COL10A1: variants seen among roughly 807,000 people sequenced by gnomAD.
COL10A1 encodes collagen type X alpha 1 chain.
Under a neutral mutation model 18.2 loss-of-function variants are expected in COL10A1, and 10 were observed. The ratio of observed to expected loss-of-function variants is 0.55; its 90% confidence interval spans 0.34 to 0.93. The LOEUF is 0.93. Ranked by LOEUF, COL10A1 falls within the 40% of genes least tolerant of loss-of-function variation. The probability of loss-of-function intolerance (pLI) is 0.02; values close to 1 mark genes in which losing one functional copy is unlikely to be tolerated. For missense variants in COL10A1, 897 were observed against 853.5 expected, an observed-to-expected ratio of 1.05 and a Z score of -0.64; for synonymous variants, 330 against 316.6, an observed-to-expected ratio of 1.04 and a Z score of -0.45.
the COL10A1 span, among the ~76,000 whole-genome samples, chr6:116,167,140 G>T: frequency 2.0e-5 from 3 of 150,960 alleles, no homozygotes; most frequent in Admixed American, 2.0e-4. Flanking sequence ...TCAACCAAAT[G>T]CATCAGATAT....
intron 1 of COL10A1, among the ~76,000 whole-genome samples, chr6:116,133,369 A>G (rs952695086): frequency 2.0e-5 from 3 of 152,232 alleles, no homozygotes; most frequent in African/African-American, 7.2e-5. Context: ...TGTTAATTAG[A>G]GAAGTCACAG....
chr6:116,178,758 G>A, the COL10A1 span, among the ~76,000 whole-genome samples: 1 of 152,176 alleles, frequency 6.6e-6, no homozygotes. Flanking sequence ...CCCAAAATGT[G>A]AGCATCTCAG....
chr6:116,177,496 T>G, the COL10A1 span, among the ~76,000 whole-genome samples: 1 of 152,282 alleles, frequency 6.6e-6, no homozygotes, highest in South Asian at 2.1e-4. Flanking sequence ...GATATAAATT[T>G]TCTACTTAAA....
chr6:116,182,222 A>AGTGT, the COL10A1 span, among the ~76,000 whole-genome samples: 3,203 of 124,630 alleles, frequency 0.026, 51 homozygotes, highest in Middle Eastern at 0.051. Flanking sequence ...TTCCATGGAG[A>AGTGT]GTGTGTGTGT....
At chr6:116,172,839 T>G in the COL10A1 span, among the ~76,000 whole-genome samples, 3 of 152,216 alleles carry the variant, frequency 2.0e-5, no homozygotes, top group African/African-American at 7.2e-5. Context: ...GAAAATCTAC[T>G]CTCCTTGTTT....
the COL10A1 span, among the ~76,000 whole-genome samples, chr6:116,196,633 C>A: frequency 6.6e-6 from 1 of 151,998 alleles, no homozygotes; most frequent in Non-Finnish European, 1.5e-5. Flanking sequence ...GGAGTAGCTT[C>A]ATTACACTAA....
At chr6:116,129,260 AAC>A (rs1779405504), upstream of COL10A1, among the ~76,000 whole-genome samples, 1 of 152,198 alleles carries the variant, frequency 6.6e-6, no homozygotes, top group Non-Finnish European at 1.5e-5. Context: ...ATTATATAGA[AAC>A]ACATACATAC....
intron 1 of COL10A1, among the ~76,000 whole-genome samples, chr6:116,139,075 AG>A: frequency 6.6e-6 from 1 of 152,308 alleles, no homozygotes; most frequent in South Asian, 2.1e-4. Context: ...CTACAAAAAA[AG>A]ATGTATTCTT....
chr6:116,201,581 A>G, the COL10A1 span, among the ~76,000 whole-genome samples: 1 of 152,112 alleles, frequency 6.6e-6, no homozygotes, highest in Admixed American at 6.6e-5. Flanking sequence ...TGATGATATT[A>G]AAAGTCTTGG....
At chr6:116,134,324 AC>A (rs1451949812) in intron 1 of COL10A1, among the ~76,000 whole-genome samples, 1 of 152,198 alleles carries the variant, frequency 6.6e-6, no homozygotes, top group Non-Finnish European at 1.5e-5. Flanking sequence ...AACGCCAGAC[AC>A]CAAAGCCTCT....
intron 1 of COL10A1, among the ~76,000 whole-genome samples, chr6:116,152,976 C>T (rs1780086956): frequency 6.6e-6 from 1 of 151,994 alleles, no homozygotes; most frequent in African/African-American, 2.4e-5. Context: ...TAATAAAATA[C>T]AGAGGAATGA....
chr6:116,165,572 C>A, the COL10A1 span, among the ~76,000 whole-genome samples: 4 of 152,104 alleles, frequency 2.6e-5, no homozygotes, highest in Admixed American at 2.6e-4. Flanking sequence ...TGGGTTAATT[C>A]GAAAAATGCC....
At chr6:116,134,351 C>G (rs1779538612) in intron 1 of COL10A1, among the ~76,000 whole-genome samples, 1 of 152,158 alleles carries the variant, frequency 6.6e-6, no homozygotes, top group Admixed American at 6.5e-5. Flanking sequence ...CCTCTGACTT[C>G]TTTAGTGTCT....
the COL10A1 span, among the ~76,000 whole-genome samples, chr6:116,168,676 AT>A: frequency 6.6e-6 from 1 of 151,490 alleles, no homozygotes; most frequent in African/African-American, 2.4e-5. Flanking sequence ...GTATCTGATA[AT>A]TTTTTATTGA....
the COL10A1 span, among the ~76,000 whole-genome samples, chr6:116,166,389 T>C: frequency 1.3e-5 from 2 of 152,222 alleles, no homozygotes; most frequent in African/African-American, 4.8e-5. Flanking sequence ...TATTCAGTTC[T>C]AATTAAAAAC....
At chr6:116,126,155 G>A (rs1179229492), upstream of COL10A1, 1 of 152,224 alleles carries the variant, frequency 6.6e-6, no homozygotes, top group Non-Finnish European at 1.5e-5. Context: ...CTGTTCAGTG[G>A]TATTTATACT....
chr6:116,215,187 A>G, the COL10A1 span, among the ~76,000 whole-genome samples: 3 of 152,170 alleles, frequency 2.0e-5, no homozygotes, highest in Non-Finnish European at 4.4e-5. Context: ...GCACATGAAG[A>G]TAAGATGCCT....
chr6:116,193,356 G>A, the COL10A1 span, among the ~76,000 whole-genome samples: 1 of 152,044 alleles, frequency 6.6e-6, no homozygotes, highest in Non-Finnish European at 1.5e-5. Flanking sequence ...ACAAAAGGCA[G>A]GAAGAGCCCG....
the COL10A1 span, among the ~76,000 whole-genome samples, chr6:116,198,119 G>C: frequency 6.6e-6 from 1 of 152,154 alleles, no homozygotes; most frequent in South Asian, 2.1e-4. Context: ...CTGTCAAAGT[G>C]CTGGGTGGTC....
Sources: gnomAD v4.1 joint callset for allele counts (sites outside exome capture counted in the v4.1 genomes callset) on GRCh38, gnomAD v4.1.1 for gene constraint, MANE v1.5 for transcripts, NCBI Gene and HGNC (gene_info 2026-07-23, HGNC 2026-07-21) for gene names.